Variants in PLCE1 observed in about 807,000 individuals in gnomAD.
PLCE1 encodes the protein phospholipase C epsilon 1.
PLCE1 carries 119 observed loss-of-function variants against 242.8 expected under a neutral mutation model. The observed-to-expected ratio is 0.49, with a 90% CI of 0.42 to 0.57. PLCE1 has a LOEUF of 0.57. Among genes scored for constraint, PLCE1 ranks in the 20% least tolerant of loss-of-function variants. The pLI is 0.00. For missense variants in PLCE1, 2,441 were observed against 2,788.8 expected (o/e 0.88, Z 2.81); for synonymous variants, 945 against 1,017.4 (o/e 0.93, Z 1.35).
chr10:94,185,968 G>A (rs889548162), intron 4 of PLCE1, among the ~76,000 whole-genome samples: 29 of 152,178 alleles, frequency 1.9e-4, no homozygotes, highest in African/African-American at 5.3e-4. Flanking sequence ...TTTTGAAGAC[G>A]GACTTCGCTC....
intron 9 of PLCE1, 126 bp from the exon 10 acceptor site, chr10:94,254,064 T>C (rs1244781185): frequency 2.6e-6 from 2 of 780,562 alleles, no homozygotes; most frequent in Non-Finnish European, 4.7e-6. Flanking sequence ...TGTAGGTCTT[T>C]ACCGGTTTTA....
intron 4 of PLCE1, among the ~76,000 whole-genome samples, chr10:94,221,967 C>T (rs1217376434): frequency 6.6e-6 from 1 of 152,122 alleles, no homozygotes; most frequent in Admixed American, 6.5e-5. Context: ...AGTGTTCAGG[C>T]CTTTTCCCAA....
intron 2 of PLCE1, among the ~76,000 whole-genome samples, chr10:94,102,102 A>G (rs2045560332): frequency 6.6e-6 from 1 of 152,262 alleles, no homozygotes; most frequent in South Asian, 2.1e-4. Context: ...TGAATCAGGC[A>G]TCAGCATTGT....
intron 7 of PLCE1, among the ~76,000 whole-genome samples, chr10:94,236,652 G>A (rs1231338056): frequency 6.6e-6 from 1 of 152,206 alleles, no homozygotes; most frequent in African/African-American, 2.4e-5. Context: ...TCTGTAAGGT[G>A]TGTTAAAATT....
chr10:94,109,222 A>G (rs148173417), intron 2 of PLCE1: 36 of 152,366 alleles, frequency 2.4e-4, no homozygotes, highest in African/African-American at 8.4e-4. Context: ...CTGCTAAAAC[A>G]TAAGAATACT....
At chr10:94,091,566 C>T (rs2045074934) in intron 2 of PLCE1, among the ~76,000 whole-genome samples, 1 of 151,924 alleles carries the variant, frequency 6.6e-6, no homozygotes, top group East Asian at 1.9e-4. Flanking sequence ...CTAGTGACAG[C>T]AGGAGACAGG....
chr10:94,269,253 C>T (rs2051634106), intron 17 of PLCE1, among the ~76,000 whole-genome samples: 1 of 151,864 alleles, frequency 6.6e-6, no homozygotes, highest in Non-Finnish European at 1.5e-5. Context: ...AAGCCCATAC[C>T]ATCAAGCCCA....
intron 27 of PLCE1, among the ~76,000 whole-genome samples, chr10:94,312,270 G>A (rs1242925335): frequency 6.6e-6 from 1 of 152,100 alleles, no homozygotes; most frequent in East Asian, 1.9e-4. Context: ...TTAAGTACAT[G>A]CTAAACAATA....
At chr10:94,010,570 A>T (rs1300320981) in intron 1 of PLCE1, among the ~76,000 whole-genome samples, 1 of 152,162 alleles carries the variant, frequency 6.6e-6, no homozygotes, top group East Asian at 1.9e-4. Flanking sequence ...TTCCCTTTTA[A>T]ATAAGAGTTC....
chr10:94,222,331 CTTCATTCA>C (rs375517855), intron 4 of PLCE1, among the ~76,000 whole-genome samples: 21 of 152,086 alleles, frequency 1.4e-4, no homozygotes, highest in South Asian at 2.1e-4. Flanking sequence ...AGGAGGTAAG[CTTCATTCA>C]TTCATTCATT....
chr10:94,266,933 C>A (rs1348975383), intron 16 of PLCE1, among the ~76,000 whole-genome samples: 1 of 152,202 alleles, frequency 6.6e-6, no homozygotes, highest in East Asian at 1.9e-4. Flanking sequence ...GAAGTTCTGT[C>A]ATGGGGCCTC....
Position 94,313,264 on chromosome 10 carries a change from C to T in PLCE1, c.6014C>T (p.Thr2005Ile), listed in dbSNP as rs2053446778. 1 of 1,614,026 alleles carries T rather than the reference C, an allele frequency of 6.2e-7. No homozygotes were observed. The highest frequency in any genetic ancestry group is 8.5e-7 in the Non-Finnish European group (1 of 1,179,940). ...TGATCTTCTTGACAGATGTTTAATA[C>T]AGAAGAAAGAAAATGTTTGCAGACT... ...NTMSASSMFNTEERKCLQTHR... is the reference protein window; with the variant it reads ...NTMSASSMFNIEERKCLQTHR... Residue 2005 changes from threonine (T) to isoleucine (I), a missense_variant, in exon 28 of 33, where the codon ACA becomes ATA. Coordinates refer to ENST00000371380, the MANE Select transcript of PLCE1 (RefSeq NM_016341.4).
At chr10:94,303,631 A>C (rs1305170766) in intron 24 of PLCE1, among the ~76,000 whole-genome samples, 1 of 152,202 alleles carries the variant, frequency 6.6e-6, no homozygotes, top group Non-Finnish European at 1.5e-5. Context: ...TTTCTTGTAT[A>C]ATTAAGATTT....
intron 13 of PLCE1, among the ~76,000 whole-genome samples, chr10:94,259,819 G>T (rs2051234263): frequency 6.6e-6 from 1 of 152,096 alleles, no homozygotes; most frequent in Non-Finnish European, 1.5e-5. Flanking sequence ...GAGGTTTAAG[G>T]GGCTCACAGT....
chr10:94,215,509 A>G (rs2136999062), intron 4 of PLCE1, among the ~76,000 whole-genome samples: 1 of 152,278 alleles, frequency 6.6e-6, no homozygotes, highest in African/African-American at 2.4e-5. Context: ...CTGAGGGCTC[A>G]GGGACGGCCT....
intron 1 of PLCE1, among the ~76,000 whole-genome samples, chr10:94,019,557 C>T (rs937786665): frequency 1.3e-5 from 2 of 152,174 alleles, no homozygotes; most frequent in African/African-American, 2.4e-5. Context: ...TCCTGTAGAA[C>T]TTTATGCGAT....
At chr10:94,320,569 A>G (rs559441945) in intron 29 of PLCE1, among the ~76,000 whole-genome samples, 4 of 152,328 alleles carry the variant, frequency 2.6e-5, no homozygotes, top group African/African-American at 9.6e-5. Context: ...CTGGTTAGTT[A>G]GTTAGCACCC....
At chr10:94,258,585 A>G (rs1047078630) in intron 11 of PLCE1, among the ~76,000 whole-genome samples, 2 of 152,248 alleles carry the variant, frequency 1.3e-5, no homozygotes, top group African/African-American at 4.8e-5. Flanking sequence ...TAAATAGACT[A>G]GAAACATGTT....
Position 94,032,116 on chromosome 10 carries a change from G to T in PLCE1, c.1070G>T (p.Gly357Val). The T allele has an allele frequency of 1.2e-6, 2 of 1,610,704 alleles. No individual in the cohort carries two copies. The highest frequency in any genetic ancestry group is 1.7e-5 in the Admixed American group (1 of 59,426). The stretch of plus-strand genomic sequence containing the variant: ...AGAACTCTGCCTTCTGGCCACATTG[G>T]GCTGACTGCATGGAGTTACATAGAT... ...IVRTLPSGHI[G>V]LTAWSYIDQK... Residue 357 changes from glycine to valine, a missense_variant, in exon 2 of 33, where the codon GGG (glycine) becomes GTG (valine). Gly to Val is a moderately radical substitution (Grantham distance 109). This residue lies in a region of PLCE1 where 733 missense variants were observed against 754.2 expected (regional missense o/e 0.97). Transcript: ENST00000371380.
Sources: gnomAD v4.1 joint callset for allele counts (sites outside exome capture counted in the v4.1 genomes callset) on GRCh38, gnomAD v4.1.1 for gene constraint, gnomAD v4.1.1 regional missense constraint, MANE v1.5 for transcripts, NCBI Gene and HGNC (gene_info 2026-07-23, HGNC 2026-07-21) for gene names.